The following CSMD1 variants were observed in gnomAD, a reference collection of about 807,000 sequenced individuals.
CSMD1 encodes CUB and sushi domain-containing protein 1.
A neutral mutation model predicts 417.5 loss-of-function variants in CSMD1; 213 were observed. The observed-to-expected ratio is 0.51, with a 90% CI of 0.46 to 0.57. The LOEUF (loss-of-function observed/expected upper bound fraction) is 0.57. Ranked by LOEUF, CSMD1 falls within the 20% of genes least tolerant of loss-of-function variation. The probability of loss-of-function intolerance (pLI) is 0.00; values close to 1 mark genes in which losing one functional copy is unlikely to be tolerated. For synonymous variants in CSMD1, 2,862 were observed against 1,736.8 expected (o/e 1.65, Z -16.11); for missense variants, 6,923 against 4,529.7 (o/e 1.53, Z -15.17).
intron 37 of CSMD1, among the ~76,000 whole-genome samples, chr8:3,178,823 A>C (rs2129046662): frequency 6.6e-6 from 1 of 152,318 alleles, no homozygotes; most frequent in African/African-American, 2.4e-5. Flanking sequence ...AAATAAATGC[A>C]AAAATATGTC....
chr8:3,387,649 G>C lies in CSMD1; in HGVS notation c.2627C>G (p.Pro876Arg). 1 of 1,600,160 alleles carries C rather than the reference G, an allele frequency of 6.2e-7. No individual in the cohort carries two copies. The highest frequency in any genetic ancestry group is 8.5e-7 in the Non-Finnish European group (1 of 1,173,168). The change falls in exon 18 of 70, where the codon CCG (proline) becomes CGG (arginine). Residue 876 changes from proline to arginine, a missense_variant. Pro to Arg is a moderately radical substitution (Grantham distance 103). Transcript: ENST00000635120. ...GCGATGGCCGTTCACAGGGATGCCCGGGTCCAGGCAGGAATCCGACTCAAG... is the reference window on the plus strand; with the variant it reads ...GCGATGGCCGTTCACAGGGATGCCCCGGTCCAGGCAGGAATCCGACTCAAG... ...VTLESDSCLDPGIPVNGHRHG... is the reference protein window; with the variant it reads ...VTLESDSCLDRGIPVNGHRHG...
At chr8:3,813,089 TAG>T (rs1801172835) in intron 5 of CSMD1, among the ~76,000 whole-genome samples, 2 of 132,978 alleles carry the variant, frequency 1.5e-5, no homozygotes, top group South Asian at 2.4e-4. Flanking sequence ...TATTTTAAGC[TAG>T]TTTTTTTTTT....
intron 27 of CSMD1, among the ~76,000 whole-genome samples, chr8:3,226,738 C>G (rs957401805): frequency 3.3e-5 from 5 of 151,828 alleles, no homozygotes; most frequent in Non-Finnish European, 5.9e-5. Flanking sequence ...AAGCAACACT[C>G]AAGAAAAAGC....
intron 3 of CSMD1, among the ~76,000 whole-genome samples, chr8:4,126,862 T>C (rs1802793212): frequency 6.6e-6 from 1 of 151,988 alleles, no homozygotes; most frequent in Non-Finnish European, 1.5e-5. Flanking sequence ...CAAAGATCAG[T>C]CCCAGGACCA....
At chr8:3,816,311 C>G (rs1443864897) in intron 5 of CSMD1, among the ~76,000 whole-genome samples, 1 of 152,188 alleles carries the variant, frequency 6.6e-6, no homozygotes, top group Non-Finnish European at 1.5e-5. Flanking sequence ...GTTTCCCTTG[C>G]TGTGTTTTCA....
At chr8:3,625,778 G>A (rs139462679) in intron 7 of CSMD1, among the ~76,000 whole-genome samples, 2 of 152,022 alleles carry the variant, frequency 1.3e-5, no homozygotes, top group African/African-American at 2.4e-5. Context: ...GAACACTGCA[G>A]ATTCTTACAG....
intron 1 of CSMD1, among the ~76,000 whole-genome samples, chr8:4,908,829 G>C (rs1050263369): frequency 1.3e-5 from 2 of 152,082 alleles, no homozygotes; most frequent in Admixed American, 6.6e-5. Context: ...AGCACTCTAA[G>C]CATACTAATC....
At chr8:4,404,975 G>A (rs1188303895) in intron 3 of CSMD1, among the ~76,000 whole-genome samples, 1 of 152,206 alleles carries the variant, frequency 6.6e-6, no homozygotes, top group Non-Finnish European at 1.5e-5. Flanking sequence ...CGAGGCACAA[G>A]AGGATTAGTC....
At chr8:3,400,057 G>C (rs1349847204) in intron 15 of CSMD1, among the ~76,000 whole-genome samples, 1 of 152,140 alleles carries the variant, frequency 6.6e-6, no homozygotes, top group African/African-American at 2.4e-5. Context: ...AATCAAATTT[G>C]ATAAGTGTAG....
intron 5 of CSMD1, among the ~76,000 whole-genome samples, chr8:3,992,174 T>G (rs1245225359): frequency 6.6e-6 from 1 of 150,942 alleles, no homozygotes; most frequent in African/African-American, 2.4e-5. Flanking sequence ...TATTGTTAGA[T>G]ATATATAAAT....
chr8:4,012,798 C>G (rs956844493), intron 4 of CSMD1, among the ~76,000 whole-genome samples: 5 of 152,182 alleles, frequency 3.3e-5, no homozygotes, highest in Non-Finnish European at 7.3e-5. Flanking sequence ...TCTTCTCCAT[C>G]TCAATAAACG....
At chr8:4,207,236 G>C (rs918366048) in intron 3 of CSMD1, among the ~76,000 whole-genome samples, 1 of 152,112 alleles carries the variant, frequency 6.6e-6, no homozygotes, top group Non-Finnish European at 1.5e-5. Context: ...TGCAAATATA[G>C]CCAGCATTCC....
chr8:4,647,424 G>A (rs1381171808), intron 1 of CSMD1, among the ~76,000 whole-genome samples: 2 of 148,892 alleles, frequency 1.3e-5, no homozygotes, highest in African/African-American at 2.6e-5. Flanking sequence ...GTGTGCCACG[G>A]CGGCCTGCTA....
intron 7 of CSMD1, among the ~76,000 whole-genome samples, chr8:3,671,512 TGATC>T (rs371650364): frequency 5.6e-3 from 24 of 4,272 alleles, no homozygotes; most frequent in African/African-American, 0.013. Context: ...TATATATATA[TGATC>T]ATATATATGA....
chr8:4,994,309 G>C lies in CSMD1; in HGVS notation c.85+23C>G, dbSNP rs566270893. 75 of 1,604,656 alleles carry C rather than the reference G, an allele frequency of 4.7e-5. No homozygotes were observed. In the South Asian group the frequency reaches 7.5e-4, roughly 16 times the overall value. On this transcript the variant is annotated intron_variant, in intron 1 of 69. Transcript: ENST00000635120. Reference sequence around the variant, plus strand: ...CCTCCGAGGGCTCTACCGCCTCCCCGGCCAGGAGCAAGTCCGTCTTACCCT... The same window carrying C: ...CCTCCGAGGGCTCTACCGCCTCCCCCGCCAGGAGCAAGTCCGTCTTACCCT...
At chr8:4,301,559 G>C (rs954948719) in intron 3 of CSMD1, among the ~76,000 whole-genome samples, 8 of 152,228 alleles carry the variant, frequency 5.3e-5, no homozygotes, top group African/African-American at 1.4e-4. Flanking sequence ...AATTCACCAA[G>C]TGGAAAGTCT....
chr8:4,452,706 T>A (rs1799222895), intron 2 of CSMD1, among the ~76,000 whole-genome samples: 1 of 152,132 alleles, frequency 6.6e-6, no homozygotes, highest in African/African-American at 2.4e-5. Context: ...TACTCTCAAT[T>A]ACATTTAAAT....
chr8:3,076,958 A>G (rs1011847261), intron 49 of CSMD1, among the ~76,000 whole-genome samples: 4 of 152,108 alleles, frequency 2.6e-5, no homozygotes, highest in African/African-American at 9.7e-5. Flanking sequence ...AGTAGCGAAC[A>G]TTGTATCCAA....
intron 3 of CSMD1, among the ~76,000 whole-genome samples, chr8:4,186,671 T>G (rs1311281761): frequency 1.3e-5 from 2 of 152,058 alleles, no homozygotes; most frequent in East Asian, 3.9e-4. Context: ...AAAATCAGTA[T>G]ATTTGTTTTC....
Sources: allele counts gnomAD v4.1 joint callset (sites outside exome capture counted in the v4.1 genomes callset), GRCh38; gene constraint gnomAD v4.1.1; transcripts MANE v1.5; gene names NCBI Gene and HGNC (gene_info 2026-07-23, HGNC 2026-07-21).